SPPL2A: variants seen among roughly 807,000 people sequenced by gnomAD.
SPPL2A encodes signal peptide peptidase-like 2A.
Under a neutral mutation model 63.8 loss-of-function variants are expected in SPPL2A, and 51 were observed. The observed-to-expected ratio is 0.80, with a 90% CI of 0.64 to 1.01. The LOEUF is 1.01. Ranked by LOEUF, SPPL2A falls within the 50% of genes least tolerant of loss-of-function variation. SPPL2A has a pLI of 0.00. For missense variants in SPPL2A, 553 were observed against 622.7 expected (o/e 0.89, Z 1.19); for synonymous variants, 188 against 205.8 (o/e 0.91, Z 0.74).
chr15:50,729,731 ACAATTTTAGCTCCC>A (rs531479921), intron 10 of SPPL2A, among the ~76,000 whole-genome samples: 75 of 152,366 alleles, frequency 4.9e-4, no homozygotes, highest in Non-Finnish European at 8.7e-4. Context: ...GTTACCTATT[ACAATTTTAGCTCCC>A]CAATAGGGTA....
chr15:50,762,911 T>G (rs930231982), intron 1 of SPPL2A, among the ~76,000 whole-genome samples: 1 of 151,376 alleles, frequency 6.6e-6, no homozygotes, highest in African/African-American at 2.4e-5. Flanking sequence ...TTTTTTTTTT[T>G]TGTATTTTTT....
intron 6 of SPPL2A, among the ~76,000 whole-genome samples, 197 bp downstream of exon 6, chr15:50,739,483 T>C (rs569864822): frequency 2.6e-5 from 4 of 152,014 alleles, no homozygotes; most frequent in Non-Finnish European, 4.4e-5. Flanking sequence ...CTGGCACATA[T>C]TGTATTTTTA....
At chr15:50,744,327 C>T (rs1224052930) in intron 5 of SPPL2A, among the ~76,000 whole-genome samples, 1 of 152,150 alleles carries the variant, frequency 6.6e-6, no homozygotes, top group Non-Finnish European at 1.5e-5. Flanking sequence ...ACTTGTTAAA[C>T]TCTTAACATT....
In SPPL2A at chr15:50,739,687, T is replaced by C; in HGVS notation, c.726A>G (p.Lys242=). The C allele has an allele frequency of 1.3e-6, 2 of 1,565,894 alleles. No homozygotes were observed. The highest frequency in any genetic ancestry group is 1.7e-6 in the Non-Finnish European group (2 of 1,160,034). ...TAAAATATGACTTCTTACCCAACCA[T>C]TTGTAGAAGAAATAAAGTAAGACCA... The part of the protein sequence containing the change: ...VMMVLLYFFY[K]WLVYVMIAIF... Residue 242 remains lysine, a synonymous_variant, in exon 6 of 15, where the codon AAA becomes AAG. Transcript: ENST00000261854.
intron 1 of SPPL2A, among the ~76,000 whole-genome samples, chr15:50,759,194 A>G (rs1049235141): frequency 6.6e-6 from 1 of 152,090 alleles, no homozygotes; most frequent in Non-Finnish European, 1.5e-5. Flanking sequence ...ATGAGCCACC[A>G]TGCCTGGCCA....
At chr15:50,758,350 T>C (rs1448423958) in intron 1 of SPPL2A, among the ~76,000 whole-genome samples, 4 of 150,984 alleles carry the variant, frequency 2.6e-5, no homozygotes, top group Non-Finnish European at 4.4e-5. Flanking sequence ...ATTCCTTTGA[T>C]CATTTAGAGT....
At chr15:50,711,468 C>T (rs1447333520) in intron 14 of SPPL2A, among the ~76,000 whole-genome samples, 2 of 152,198 alleles carry the variant, frequency 1.3e-5, no homozygotes, top group African/African-American at 2.4e-5. Context: ...GCCTCAGCCT[C>T]CCAAACTGCT....
chr15:50,727,580 T>C (rs1480387900), intron 10 of SPPL2A, among the ~76,000 whole-genome samples: 2 of 152,172 alleles, frequency 1.3e-5, no homozygotes, highest in Admixed American at 1.3e-4. Context: ...GAGTAACTAC[T>C]ACTTCTAAGA....
At position 50,765,586 on chromosome 15, in the gene SPPL2A, G is replaced by T; in HGVS notation, c.-53C>A. The stretch of plus-strand genomic sequence containing the variant: ...CACGGTGCGGCGCAGCTCACTCGGC[G>T]GGGTAGGCTCGGAGTCCCGCCGCTG... On this transcript the variant is annotated 5_prime_UTR_variant, in exon 1 of 15. Transcript: ENST00000261854. 1 of 1,259,904 alleles carries T rather than the reference G, an allele frequency of 7.9e-7. No individual in the cohort carries two copies. 78.0% of individuals were successfully genotyped at this position (1,259,904 alleles called of 1,614,324 possible). A position where few individuals can be genotyped will look rare whatever the true frequency, so the allele number is the denominator to read the frequency against.
At chr15:50,754,227 C>T (rs1483783238) in intron 1 of SPPL2A, among the ~76,000 whole-genome samples, 1 of 152,188 alleles carries the variant, frequency 6.6e-6, no homozygotes, top group Admixed American at 6.5e-5. Flanking sequence ...CAATATCCCA[C>T]AGCAGAGTGG....
chr15:50,764,251 T>C (rs985562436), intron 1 of SPPL2A, among the ~76,000 whole-genome samples: 52 of 152,360 alleles, frequency 3.4e-4, no homozygotes, highest in African/African-American at 1.2e-3. Context: ...ATCTACATAC[T>C]ATCTGAATAT....
chr15:50,725,307 C>G lies in SPPL2A; in HGVS notation c.1163G>C (p.Arg388Thr), dbSNP rs995075428. 3 of 1,582,012 alleles carry G rather than the reference C, an allele frequency of 1.9e-6. No individual in the cohort carries two copies. Among genetic ancestry groups the G allele is most frequent in the African/African-American group, 1.4e-5 (1 of 73,604 alleles). The change falls in exon 12 of 15, where the codon AGA (arginine) becomes ACA (threonine). Residue 388 changes from arginine to threonine, a missense_variant. Transcript: ENST00000261854. ...TGAGAAATAGATCAGTTTTGGTACT[C>G]TGATGACTACTGGCAACTGTTCAAA... is the stretch of plus-strand genomic sequence containing the variant. ...GNNEKLPVVI[R>T]VPKLIYFSVM...
In SPPL2A at chr15:50,732,656, C is replaced by A. The variant is rs2141036229; in HGVS notation, c.961G>T (p.Gly321Trp). The stretch of plus-strand genomic sequence containing the variant: ...ATTAAATTCAGACAGAAAGCAATCC[C>A]CAAGATATCCTGTAAAATCCAAGCC... ...RWAWILQDIL[G>W]IAFCLNLIKT... Residue 321 changes from glycine (G) to tryptophan (W), a missense_variant, in exon 9 of 15, where the codon GGG becomes TGG. Coordinates refer to ENST00000261854, the MANE Select transcript of SPPL2A (RefSeq NM_032802.4). The A allele has an allele frequency of 6.2e-7, 1 of 1,610,980 alleles. No individual in the cohort carries two copies. Among genetic ancestry groups the A allele is most frequent in the Non-Finnish European group, 8.5e-7 (1 of 1,177,772 alleles).
intron 3 of SPPL2A, among the ~76,000 whole-genome samples, chr15:50,748,453 T>C (rs886309761): frequency 1.3e-5 from 2 of 151,656 alleles, no homozygotes; most frequent in Non-Finnish European, 2.9e-5. Context: ...TATCTCTATA[T>C]ATATGCATAT....
intron 1 of SPPL2A, among the ~76,000 whole-genome samples, chr15:50,762,684 C>G (rs928919736): frequency 3.3e-5 from 5 of 151,714 alleles, no homozygotes; most frequent in African/African-American, 1.2e-4. Context: ...GGATGTTGGC[C>G]CTGTTATTAC....
At position 50,765,508 on chromosome 15, in the gene SPPL2A, G is replaced by C. The variant is rs1185646459; in HGVS notation, c.26C>G (p.Pro9Arg). The change falls in exon 1 of 15, where the codon CCT becomes CGT. Residue 9 changes from proline to arginine, a missense_variant. Physicochemically the swap from Pro to Arg is moderately radical, Grantham distance 103. Coordinates refer to ENST00000261854, the MANE Select transcript of SPPL2A (RefSeq NM_032802.4). MGPQRRLS[P>R]AGAALLWGFL... ...GCCCCAGAGTAGGGCGGCCCCGGCAGGGGACAGCCGCCGCTGCGGCCCCAT... is the reference window on the plus strand; with the variant it reads ...GCCCCAGAGTAGGGCGGCCCCGGCACGGGACAGCCGCCGCTGCGGCCCCAT... 1.3e-6 allele frequency: 2 copies of C among 1,500,896 alleles called. No individual in the cohort carries two copies. The highest frequency in any genetic ancestry group is 8.8e-7 in the Non-Finnish European group (1 of 1,132,690). The allele number at this position is 1,500,896 out of a possible 1,614,324, so 93.0% of individuals were successfully genotyped here. A position where few individuals can be genotyped will look rare whatever the true frequency, so the allele number is the denominator to read the frequency against.
intron 10 of SPPL2A, among the ~76,000 whole-genome samples, chr15:50,726,771 G>C: frequency 6.6e-6 from 1 of 152,184 alleles, no homozygotes; most frequent in East Asian, 1.9e-4. Flanking sequence ...AGTAATGTCA[G>C]TGAAGAAGAT....
At chr15:50,750,694 G>C (rs187142512) in intron 1 of SPPL2A, among the ~76,000 whole-genome samples, 176 of 152,286 alleles carry the variant, frequency 1.2e-3, no homozygotes, top group African/African-American at 4.2e-3. Context: ...TTGTACCTGG[G>C]GGGAGAGGAG....
chr15:50,749,806 T>C (rs2062892633), intron 1 of SPPL2A, 60 bp from the exon 2 acceptor site: 2 of 993,908 alleles, frequency 2.0e-6, no homozygotes, highest in Non-Finnish European at 3.2e-6. Flanking sequence ...CAACTAAGGA[T>C]TTTAATAAAG....
Sources: gnomAD v4.1 joint callset for allele counts (sites outside exome capture counted in the v4.1 genomes callset) on GRCh38, gnomAD v4.1.1 for gene constraint, MANE v1.5 for transcripts, NCBI Gene and HGNC (gene_info 2026-07-23, HGNC 2026-07-21) for gene names.